The following FANCB variants were observed in gnomAD, a reference collection of about 807,000 sequenced individuals.
The protein encoded by FANCB is Fanconi anemia group B protein.
In FANCB, 5 loss-of-function variants were observed where a neutral mutation model predicts 38.9. The observed-to-expected ratio is 0.13, with a 90% CI of 0.07 to 0.27. FANCB has a LOEUF of 0.27. FANCB is among the 10% of genes least tolerant of loss of function. The pLI is 1.00. For synonymous variants in FANCB, 236 were observed against 215.4 expected (o/e 1.10, Z -0.84); for missense variants, 573 against 602.7 (o/e 0.95, Z 0.52).
chrX:14,796,939 C>T, the FANCB span, among the ~76,000 whole-genome samples: 1 of 110,345 alleles, frequency 9.1e-6, no homozygotes, highest in South Asian at 3.8e-4. Flanking sequence ...CGGAAAAGAC[C>T]AATGTTTCAC....
chrX:14,751,395 G>A, the FANCB span, among the ~76,000 whole-genome samples: 30 of 112,003 alleles, frequency 2.7e-4, no homozygotes, highest in Non-Finnish European at 1.5e-4. Flanking sequence ...AATACCTACC[G>A]TGTGATTCCA....
At chrX:14,850,720 T>A in intron 6 of FANCB, 46 bp from the exon 7 acceptor site, 2 of 843,015 alleles carry the variant, frequency 2.4e-6, no homozygotes, top group East Asian at 6.7e-5. Flanking sequence ...ACGTACCGTC[T>A]GTAGCAAAAC....
chrX:14,810,141 G>A, the FANCB span, among the ~76,000 whole-genome samples: 8 of 110,803 alleles, frequency 7.2e-5, no homozygotes, highest in East Asian at 2.9e-4. Context: ...AACAGAAAGG[G>A]CATCCCCACC....
chrX:14,772,736 G>A, the FANCB span, among the ~76,000 whole-genome samples: 2 of 111,690 alleles, frequency 1.8e-5, no homozygotes, highest in Non-Finnish European at 3.8e-5. Flanking sequence ...CCTGGATCTC[G>A]GTGTGTGCCT....
intron 7 of FANCB, among the ~76,000 whole-genome samples, chrX:14,849,061 A>G (rs969556673): frequency 8.9e-6 from 1 of 111,872 alleles, no homozygotes; most frequent in African/African-American, 3.3e-5. Flanking sequence ...ACTGCTCCAG[A>G]GAACAGGAAA....
chrX:14,696,922 TGGG>T, the FANCB span, among the ~76,000 whole-genome samples: 1 of 111,838 alleles, frequency 8.9e-6, no homozygotes, highest in Non-Finnish European at 1.9e-5. Flanking sequence ...AGTTAAGTCT[TGGG>T]GGGAGTTGAA....
chrX:14,870,221 A>G (rs1030615632), intron 1 of FANCB, among the ~76,000 whole-genome samples: 1 of 111,820 alleles, frequency 8.9e-6, no homozygotes, highest in Non-Finnish European at 1.9e-5. Flanking sequence ...GCCATGAAAT[A>G]ACTGGCATTT....
chrX:14,869,111 C>T (rs2092483688), intron 1 of FANCB, 68 bp from the exon 2 acceptor site: 1 of 111,153 alleles, frequency 9.0e-6, no homozygotes, highest in Non-Finnish European at 1.9e-5. Context: ...AATGTATTTA[C>T]CAAAGGTCCC....
the FANCB span, among the ~76,000 whole-genome samples, chrX:14,719,319 A>G: frequency 1.8e-5 from 2 of 111,983 alleles, no homozygotes; most frequent in African/African-American, 6.5e-5. Flanking sequence ...AGGGATCAAT[A>G]TCAAAAATAT....
At chrX:14,747,624 T>C in the FANCB span, among the ~76,000 whole-genome samples, 2 of 112,341 alleles carry the variant, frequency 1.8e-5, no homozygotes, top group South Asian at 3.7e-4. Context: ...GAAGTACACA[T>C]AGCTATTTTA....
At chrX:14,692,308 C>T in the FANCB span, among the ~76,000 whole-genome samples, 4 of 112,386 alleles carry the variant, frequency 3.6e-5, no homozygotes, top group East Asian at 2.8e-4. Flanking sequence ...TTGGTGCTAA[C>T]GTTTCTTTAA....
Position 14,864,613 on chromosome X carries a change from C to A in FANCB, c.898G>T (p.Val300Phe), listed in dbSNP as rs757610875. 2 of 1,206,691 alleles carry A rather than the reference C, an allele frequency of 1.7e-6. No homozygotes were observed. Among genetic ancestry groups the A allele is most frequent in the Admixed American group, 4.4e-5 (2 of 45,786 alleles). ...GCATTATTGGATATAAAGGATACAA[C>A]GAAAAAGAGGTTTCCTCCACCTGAA... ...MDSGGGNLFF[V>F]VSFISNNACA... The change falls in exon 3 of 10, where the codon GTT (valine) becomes TTT (phenylalanine). Residue 300 changes from valine to phenylalanine, a missense_variant. Transcript: ENST00000650831.
At chrX:14,839,260 C>A (rs947622698), downstream of FANCB, among the ~76,000 whole-genome samples, 2 of 110,511 alleles carry the variant, frequency 1.8e-5, no homozygotes, top group Admixed American at 9.7e-5. Context: ...CCACTGCACT[C>A]TAGCCTGGGC....
intron 9 of FANCB, 95 bp from the exon 10 acceptor site, chrX:14,844,076 T>A: frequency 1.4e-6 from 1 of 702,076 alleles, no homozygotes; most frequent in Non-Finnish European, 2.1e-6. Context: ...TATTCATTTA[T>A]AAACACCATA....
At chrX:14,824,762 G>T in the FANCB span, among the ~76,000 whole-genome samples, 1 of 111,954 alleles carries the variant, frequency 8.9e-6, no homozygotes, top group Non-Finnish European at 1.9e-5. Context: ...TTTGAGTGTT[G>T]TTATGCATTT....
At chrX:14,823,787 C>T in the FANCB span, among the ~76,000 whole-genome samples, 1 of 111,805 alleles carries the variant, frequency 8.9e-6, no homozygotes, top group South Asian at 3.7e-4. Context: ...AGATATAGAA[C>T]ATTTCTATCA....
At chrX:14,711,736 G>A in the FANCB span, among the ~76,000 whole-genome samples, 1 of 112,557 alleles carries the variant, frequency 8.9e-6, no homozygotes, top group South Asian at 3.7e-4. Flanking sequence ...ACTGAGGCAC[G>A]TAGTAAGTGA....
the FANCB span, among the ~76,000 whole-genome samples, chrX:14,777,312 C>T: frequency 8.9e-6 from 1 of 112,112 alleles, no homozygotes; most frequent in East Asian, 2.8e-4. Flanking sequence ...TGAGAGTTAT[C>T]ACTCAGTTGG....
chrX:14,870,298 T>C (rs1032443539), intron 1 of FANCB, among the ~76,000 whole-genome samples: 1 of 111,407 alleles, frequency 9.0e-6, no homozygotes, highest in African/African-American at 3.3e-5. Context: ...CTTAGTCCAA[T>C]TATAAGCAAC....
Sources: allele counts gnomAD v4.1 joint callset (sites outside exome capture counted in the v4.1 genomes callset), GRCh38; gene constraint gnomAD v4.1.1; transcripts MANE v1.5; gene names NCBI Gene and HGNC (gene_info 2026-07-23, HGNC 2026-07-21).